RIC1: variants seen among roughly 807,000 people sequenced by gnomAD.
RIC1 encodes RIC1 partner of RAB6A GEF complex, also known as guanine nucleotide exchange factor subunit RIC1.
Under a neutral mutation model 169.0 loss-of-function variants are expected in RIC1, and 88 were observed. The ratio of observed to expected loss-of-function variants is 0.52; its 90% CI spans 0.44 to 0.62. The LOEUF is 0.62. Ranked by LOEUF, RIC1 falls within the 20% of genes least tolerant of loss-of-function variation. The probability of loss-of-function intolerance (pLI) is 0.00; values close to 1 mark genes in which losing one functional copy is unlikely to be tolerated. For synonymous variants in RIC1, 790 were observed against 601.5 expected (o/e 1.31, Z -4.59); for missense variants, 1,877 against 1,725.5 (o/e 1.09, Z -1.56).
chr9:5,744,860 C>A (rs964422050), intron 10 of RIC1, among the ~76,000 whole-genome samples: 1 of 152,058 alleles, frequency 6.6e-6, no homozygotes, highest in African/African-American at 2.4e-5. Context: ...TTGCTATAGC[C>A]CCTCTGCATA....
chr9:5,776,323 G>A lies in RIC1; in HGVS notation c.*2077G>A, dbSNP rs904900735. 6 of 152,060 alleles carry A rather than the reference G, an allele frequency of 3.9e-5. No homozygotes were observed. The highest frequency in any genetic ancestry group is 1.2e-4 in the African/African-American group (5 of 41,418). The allele number at this position is 152,060 out of a possible 1,614,324, so 9.4% of individuals were successfully genotyped here. ...TTTAAAAACCCATTTTTATTGTGGT[G>A]TTTGGTTCACATATCAACTGTTTAA... On this transcript the variant is annotated 3_prime_UTR_variant, in exon 26 of 26. Coordinates refer to ENST00000414202, the MANE Select transcript of RIC1 (RefSeq NM_020829.4).
At chr9:5,742,728 G>A in intron 8 of RIC1, 141 bp from the exon 9 acceptor site, 1 of 746,634 alleles carries the variant, frequency 1.3e-6, no homozygotes, top group Non-Finnish European at 2.1e-6. Context: ...AGTCCTAAAT[G>A]ACCAGGATTT....
intron 8 of RIC1, among the ~76,000 whole-genome samples, chr9:5,739,481 C>CA (rs1824932842): frequency 6.6e-6 from 1 of 152,088 alleles, no homozygotes; most frequent in Non-Finnish European, 1.5e-5. Context: ...TTAGAAAACT[C>CA]AAGCAGTTCC....
intron 6 of RIC1, among the ~76,000 whole-genome samples, chr9:5,721,191 TATTA>T (rs1175584040): frequency 2.0e-5 from 3 of 152,246 alleles, no homozygotes; most frequent in Non-Finnish European, 4.4e-5. Flanking sequence ...ATTAGGTTAC[TATTA>T]ATTGTTTATA....
chr9:5,681,068 C>T (rs1430188955), intron 2 of RIC1, among the ~76,000 whole-genome samples: 12 of 151,704 alleles, frequency 7.9e-5, no homozygotes, highest in South Asian at 4.2e-4. Context: ...CCTCGTGATC[C>T]GCCCGCCTCG....
At chr9:5,702,592 G>T (rs1262090736) in intron 3 of RIC1, among the ~76,000 whole-genome samples, 1 of 152,136 alleles carries the variant, frequency 6.6e-6, no homozygotes, top group Admixed American at 6.5e-5. Flanking sequence ...AGGCTGGAGT[G>T]CAGTGGCACC....
intron 3 of RIC1, among the ~76,000 whole-genome samples, chr9:5,693,332 A>G (rs370685253): frequency 1.3e-5 from 2 of 152,150 alleles, no homozygotes; most frequent in African/African-American, 4.8e-5. Context: ...ATCCTTTTCC[A>G]CTATGCTCCA....
intron 6 of RIC1, among the ~76,000 whole-genome samples, chr9:5,728,659 C>T (rs1486721012): frequency 6.6e-6 from 1 of 152,192 alleles, no homozygotes; most frequent in African/African-American, 2.4e-5. Flanking sequence ...TCCTATTTGG[C>T]CATCTTGGAA....
At position 5,656,632 on chromosome 9, in the gene RIC1, A is replaced by G. The variant is rs373615004; in HGVS notation, c.194A>G (p.Gln65Arg). 26 of 1,610,362 alleles carry G rather than the reference A, an allele frequency of 1.6e-5. No homozygotes were observed. In the Middle Eastern group the frequency reaches 4.9e-4, roughly 31 times the overall value. ...TYKEPAKSST[Q>R]FGSYKQAEWR... ...AAGGAGCCTGCAAAATCATCTACTC[A>G]GTTTGGATCCTACAAGCAAGCTGAA... Residue 65 changes from glutamine (Q) to arginine (R), a missense_variant, in exon 2 of 26, where the codon CAG (glutamine) becomes CGG (arginine). Gln to Arg is a conservative substitution (Grantham distance 43). Around this residue, in one of 3 missense-constraint regions of RIC1, gnomAD observed 1,104 missense variants for 992.0 expected, o/e 1.11. Transcript: ENST00000414202.
intron 6 of RIC1, among the ~76,000 whole-genome samples, chr9:5,726,297 G>C (rs911255685): frequency 1.3e-5 from 2 of 152,164 alleles, no homozygotes; most frequent in East Asian, 1.9e-4. Context: ...GATCCCTTTA[G>C]CATTATGCAA....
At chr9:5,635,608 G>A (rs1817934170) in intron 1 of RIC1, among the ~76,000 whole-genome samples, 1 of 152,092 alleles carries the variant, frequency 6.6e-6, no homozygotes, top group Admixed American at 6.6e-5. Flanking sequence ...TTGAAATCAG[G>A]TTGATATGGT....
chr9:5,684,175 C>G (rs919714284), intron 2 of RIC1, among the ~76,000 whole-genome samples: 1 of 148,968 alleles, frequency 6.7e-6, no homozygotes, highest in Non-Finnish European at 1.5e-5. Flanking sequence ...TGAGATGAAC[C>G]CGGCATCTCA....
At chr9:5,641,667 C>T (rs1230869234) in intron 1 of RIC1, among the ~76,000 whole-genome samples, 3 of 115,270 alleles carry the variant, frequency 2.6e-5, no homozygotes, top group African/African-American at 1.0e-4. Flanking sequence ...TCCAAGCCCA[C>T]TAATTCTTTC....
At chr9:5,652,045 C>T (rs1374998586) in intron 1 of RIC1, among the ~76,000 whole-genome samples, 1 of 152,158 alleles carries the variant, frequency 6.6e-6, no homozygotes, top group African/African-American at 2.4e-5. Context: ...GGATTTATTT[C>T]TGGGCTATTT....
intron 2 of RIC1, among the ~76,000 whole-genome samples, chr9:5,677,779 T>G (rs1563890934): frequency 6.6e-6 from 1 of 152,174 alleles, no homozygotes; most frequent in African/African-American, 2.4e-5. Context: ...ATATGTAAAT[T>G]AAAACTACAT....
chr9:5,647,374 C>G (rs905464616), intron 1 of RIC1, among the ~76,000 whole-genome samples: 1 of 152,204 alleles, frequency 6.6e-6, no homozygotes, highest in Non-Finnish European at 1.5e-5. Context: ...AAAGGACTTA[C>G]ATTGACTATG....
In RIC1 at chr9:5,722,275, T is replaced by C. The variant is rs865961085; in HGVS notation, c.720+1525T>C. 3.7e-4 allele frequency among the ~76,000 whole-genome samples: 56 copies of C among 149,608 alleles called. 1 individual carries two copies. The South Asian group carries it at 9.8e-3, about 26-fold the overall frequency. ...GAAGAGATTTTTTTTTTTTTTTTTT[T>C]ACCCCGAGGAACTATATCACTTAAG... is the stretch of plus-strand genomic sequence containing the variant. On this transcript the variant is annotated intron_variant, in intron 6 of 25. Coordinates refer to ENST00000414202, the MANE Select transcript of RIC1 (RefSeq NM_020829.4).
At chr9:5,722,348 A>AGT (rs1554673860) in intron 6 of RIC1, among the ~76,000 whole-genome samples, 42,099 of 130,916 alleles carry the variant, frequency 0.32, 7,551 homozygotes, top group Non-Finnish European at 0.42. Context: ...AGAGAGAGAG[A>AGT]GTGTGTGTGT....
intron 1 of RIC1, among the ~76,000 whole-genome samples, chr9:5,644,581 C>A (rs570258156): frequency 6.6e-6 from 1 of 152,148 alleles, no homozygotes; most frequent in Non-Finnish European, 1.5e-5. Context: ...ACTCTATGTC[C>A]ATGTGGTAGT....
Sources: allele counts gnomAD v4.1 joint callset (sites outside exome capture counted in the v4.1 genomes callset), GRCh38; gene constraint gnomAD v4.1.1; regional missense constraint gnomAD v4.1.1; transcripts MANE v1.5; gene names NCBI Gene and HGNC (gene_info 2026-07-23, HGNC 2026-07-21).